Variants in ADAMTSL4 observed in about 807,000 individuals in gnomAD.
The protein encoded by ADAMTSL4 is ADAMTS-like protein 4.
Under a neutral mutation model 122.8 loss-of-function variants are expected in ADAMTSL4, and 97 were observed. The observed-to-expected ratio is 0.79, with a 90% CI of 0.67 to 0.93. The LOEUF (loss-of-function observed/expected upper bound fraction) is 0.93. ADAMTSL4 is among the 40% of genes least tolerant of loss of function. The pLI, the probability that ADAMTSL4 is intolerant of heterozygous loss-of-function variation, is 0.00. For missense variants in ADAMTSL4, 1,408 were observed against 1,453.5 expected (o/e 0.97, Z 0.51); for synonymous variants, 592 against 568.0 (o/e 1.04, Z -0.60).
At position 150,556,106 on chromosome 1, in the gene ADAMTSL4, G is replaced by C; in HGVS notation, c.1372-56G>C. ...CTGAGGCTCCCGAGGGGACCGGGGT[G>C]GGGTTGAGGTGGTGTCTGGCGTTCT... On this transcript the variant is annotated intron_variant, in intron 8 of 18. Coordinates refer to ENST00000271643, the MANE Select transcript of ADAMTSL4 (RefSeq NM_019032.6). The surrounding 1 kb of genome is among the most constrained non-coding windows in gnomAD (Gnocchi z 4.1). 1 of 1,593,450 alleles carries C rather than the reference G, an allele frequency of 6.3e-7. No individual in the cohort carries two copies. Among genetic ancestry groups the C allele is most frequent in the Non-Finnish European group, 8.6e-7 (1 of 1,164,372 alleles).
chr1:150,553,746 A>T lies in ADAMTSL4; in HGVS notation c.755A>T (p.His252Leu). 6.2e-7 allele frequency: 1 copy of T among 1,610,470 alleles called. No homozygotes were observed. The highest frequency in any genetic ancestry group is 8.5e-7 in the Non-Finnish European group (1 of 1,178,712). Residue 252 changes from histidine to leucine, a missense_variant, in exon 6 of 19, where the codon CAC becomes CTC. Transcript: ENST00000271643. ...ACCAGGCCTGCCCCCCTACGGCATC[A>T]CCCCAGAGCCCAGGCCTCTGGCACA... Reference protein sequence around the residue: ...PRTRPAPLRHHPRAQASGTEP... With the variant: ...PRTRPAPLRHLPRAQASGTEP...
Position 150,552,389 on chromosome 1 carries a change from G to C in ADAMTSL4, c.20+81G>C. ...TCTGTGTCTGGAAGTGAGGGAAAGG[G>C]GACCACTGGGAGGGGCAGGGGAAGT... On this transcript the variant is annotated intron_variant, in intron 3 of 18. Coordinates refer to ENST00000271643, the MANE Select transcript of ADAMTSL4 (RefSeq NM_019032.6). This position sits in a 1 kb window ranked among gnomAD's most constrained non-coding sequence, Gnocchi z 4.0. 1.3e-6 allele frequency: 2 copies of C among 1,535,378 alleles called. No homozygotes were observed. Among genetic ancestry groups the C allele is most frequent in the Non-Finnish European group, 1.8e-6 (2 of 1,128,018 alleles).
In ADAMTSL4 at chr1:150,556,134, G is replaced by A; in HGVS notation, c.1372-28G>A. 1 of 1,612,672 alleles carries A rather than the reference G, an allele frequency of 6.2e-7. No individual in the cohort carries two copies. Among genetic ancestry groups the A allele is most frequent in the Non-Finnish European group, 8.5e-7 (1 of 1,179,408 alleles). ...GTTGAGGTGGTGTCTGGCGTTCTGTGGCCACTGCCTCACCTCACTCTCTCC... is the reference window on the plus strand; with the variant it reads ...GTTGAGGTGGTGTCTGGCGTTCTGTAGCCACTGCCTCACCTCACTCTCTCC... On this transcript the variant is annotated intron_variant, in intron 8 of 18. Coordinates refer to ENST00000271643, the MANE Select transcript of ADAMTSL4 (RefSeq NM_019032.6). This position sits in a 1 kb window ranked among gnomAD's most constrained non-coding sequence, Gnocchi z 4.1.
chr1:150,552,743 A>G lies in ADAMTSL4; in HGVS notation c.78+143A>G, dbSNP rs1671552194. The G allele has an allele frequency of 2.3e-6, 3 of 1,311,640 alleles. No homozygotes were observed. Among genetic ancestry groups the G allele is most frequent in the African/African-American group, 1.5e-5 (1 of 68,420 alleles). 81.3% of individuals were successfully genotyped at this position (1,311,640 alleles called of 1,614,324 possible). A position where few individuals can be genotyped will look rare whatever the true frequency, so the allele number is the denominator to read the frequency against. ...TGCCAACTCCCCAGTTCCTTGCCTCATAACACCAAGAGGCCGAGGTGTAGT... is the reference window on the plus strand; with the variant it reads ...TGCCAACTCCCCAGTTCCTTGCCTCGTAACACCAAGAGGCCGAGGTGTAGT... On this transcript the variant is annotated intron_variant, in intron 4 of 18. Coordinates refer to ENST00000271643, the MANE Select transcript of ADAMTSL4 (RefSeq NM_019032.6). The surrounding 1 kb of genome is among the most constrained non-coding windows in gnomAD (Gnocchi z 4.0).
At position 150,556,869 on chromosome 1, in the gene ADAMTSL4, A is replaced by G; in HGVS notation, c.1750-70A>G. ...TCTGGGCAGAGCTGTGGTTGTCAAG[A>G]TGGGAGAGAGAGCTGGTGGCATCCT... On this transcript the variant is annotated intron_variant, in intron 10 of 18. Transcript: ENST00000271643. This position sits in a 1 kb window ranked among gnomAD's most constrained non-coding sequence, Gnocchi z 4.1. 6.2e-7 allele frequency: 1 copy of G among 1,612,222 alleles called. No homozygotes were observed. The highest frequency in any genetic ancestry group is 1.1e-5 in the South Asian group (1 of 91,024).
Position 150,554,217 on chromosome 1 carries a change from G to A in ADAMTSL4, c.1131+95G>A. On this transcript the variant is annotated intron_variant, in intron 6 of 18. Coordinates refer to ENST00000271643, the MANE Select transcript of ADAMTSL4 (RefSeq NM_019032.6). The surrounding 1 kb of genome is among the most constrained non-coding windows in gnomAD (Gnocchi z 4.0). ...TTCAGCTTCCGCTTGGCACCTGAGG[G>A]AGAAGGGCCTTGGCATCTGACCACC... 1.3e-6 allele frequency: 2 copies of A among 1,500,610 alleles called. No homozygotes were observed. The highest frequency in any genetic ancestry group is 1.8e-6 in the Non-Finnish European group (2 of 1,093,538). The allele number at this position is 1,500,610 out of a possible 1,614,324, so 93.0% of individuals were successfully genotyped here.
Position 150,560,061 on chromosome 1 carries a change from T to C in ADAMTSL4, c.3090T>C (p.Asp1030=). The change falls in exon 19 of 19, where the codon GAT becomes GAC. Residue 1030 remains aspartate, a splice_region_variant and synonymous_variant. Transcript: ENST00000271643. ...CNSQPCSQRP[D]DQCKDSSPHC... ...CCCACTGGCCTCCTCTGTCCCCAGA[T>C]GATCAATGCAAGGACAGCTCTCCAC... is the stretch of plus-strand genomic sequence containing the variant. 1 of 1,614,098 alleles carries C rather than the reference T, an allele frequency of 6.2e-7. No homozygotes were observed. Among genetic ancestry groups the C allele is most frequent in the Non-Finnish European group, 8.5e-7 (1 of 1,180,012 alleles).
rs1672549662 is a variant in ADAMTSL4, at chr1:150,559,316, G to T, written c.2793G>T (p.Gln931His). The T allele has an allele frequency of 3.1e-6, 5 of 1,614,072 alleles. No homozygotes were observed. Among genetic ancestry groups the T allele is most frequent in the Non-Finnish European group, 4.2e-6 (5 of 1,180,006 alleles). Reference protein sequence around the residue: ...ECSSECGSGTQRRDIICVSKL... With the variant: ...ECSSECGSGTHRRDIICVSKL... Reference sequence around the variant, plus strand: ...CCTCCGAATGTGGCTCTGGCACACAGCGTAGAGACATCATCTGTGTATCCA... The same window carrying T: ...CCTCCGAATGTGGCTCTGGCACACATCGTAGAGACATCATCTGTGTATCCA... Residue 931 changes from glutamine to histidine, a missense_variant, in exon 17 of 19, where the codon CAG becomes CAT. Transcript: ENST00000271643. This position sits in a 1 kb window ranked among gnomAD's most constrained non-coding sequence, Gnocchi z 4.1.
At position 150,556,126 on chromosome 1, in the gene ADAMTSL4, C is replaced by A. The variant is rs778178694; in HGVS notation, c.1372-36C>A. ...GGGGTGGGGTTGAGGTGGTGTCTGG[C>A]GTTCTGTGGCCACTGCCTCACCTCA... On this transcript the variant is annotated intron_variant, in intron 8 of 18. Transcript: ENST00000271643. The surrounding 1 kb of genome is among the most constrained non-coding windows in gnomAD (Gnocchi z 4.1). 5.8e-5 allele frequency: 93 copies of A among 1,609,642 alleles called. No homozygotes were observed. Among genetic ancestry groups the A allele is most frequent in the Non-Finnish European group, 7.7e-5 (91 of 1,177,254 alleles).
In ADAMTSL4 at chr1:150,560,100, G is replaced by T. The variant is rs1386207056; in HGVS notation, c.3129G>T (p.Val1043=). The T allele has an allele frequency of 6.2e-6, 10 of 1,613,980 alleles. No homozygotes were observed. Among genetic ancestry groups the T allele is most frequent in the Non-Finnish European group, 8.5e-6 (10 of 1,180,018 alleles). The change falls in exon 19 of 19, where the codon GTG becomes GTT. Residue 1043 remains valine, a synonymous_variant. Coordinates refer to ENST00000271643, the MANE Select transcript of ADAMTSL4 (RefSeq NM_019032.6). Reference sequence around the variant, plus strand: ...ACAGCTCTCCACATTGCCCCCTGGTGGTACAGGCCCGGCTCTGCGTCTACC... The same window carrying T: ...ACAGCTCTCCACATTGCCCCCTGGTTGTACAGGCCCGGCTCTGCGTCTACC... ...CKDSSPHCPL[V]VQARLCVYPY...
chr1:150,553,777 C>A lies in ADAMTSL4; in HGVS notation c.786C>A (p.Pro262=), dbSNP rs587728833. ...GAGCCCAGGCCTCTGGCACAGAGCC[C>A]CCCTCACCCACGCACTCCTTAGGAG... ...HPRAQASGTE[P]PSPTHSLGEG... Residue 262 remains proline, a synonymous_variant, in exon 6 of 19, where the codon CCC becomes CCA. Coordinates refer to ENST00000271643, the MANE Select transcript of ADAMTSL4 (RefSeq NM_019032.6). The A allele has an allele frequency of 3.1e-6, 5 of 1,613,798 alleles. 1 individual carries two copies. The South Asian group carries it at 5.5e-5, about 18-fold the overall frequency.
At position 150,553,659 on chromosome 1, in the gene ADAMTSL4, C is replaced by T; in HGVS notation, c.668C>T (p.Thr223Ile). ...ELPPTELSVH[T>I]PSPQAEPLSP... ...CCTCCCACAGAACTGTCTGTCCACA[C>T]CCCATCCCCCCAAGCAGAACCTCTA... The change falls in exon 6 of 19, where the codon ACC becomes ATC. Residue 223 changes from threonine (T) to isoleucine (I), a missense_variant. Physicochemically the swap from Thr to Ile is moderately conservative, Grantham distance 89. Coordinates refer to ENST00000271643, the MANE Select transcript of ADAMTSL4 (RefSeq NM_019032.6). 6.2e-7 allele frequency: 1 copy of T among 1,613,612 alleles called. No homozygotes were observed. The highest frequency in any genetic ancestry group is 1.3e-5 in the African/African-American group (1 of 74,850).
In ADAMTSL4 at chr1:150,553,440, AC is replaced by A. The variant is rs1157429977; in HGVS notation, c.453del (p.Ile152SerfsTer34). The stretch of plus-strand genomic sequence containing the variant: ...CACCTTCTCAGGTCCCGGCTTCGAG[AC>A]CCCATCAAGCCAGGAATGTTCGGTT... Reference protein sequence around the residue: ...IRAARRSRLRDPIKPGMFGYG... With the variant: ...IRAARRSRLRXPIKPGMFGYG... On this transcript the variant is annotated frameshift_variant, in exon 6 of 19. Transcript: ENST00000271643. LOFTEE classifies it high-confidence loss of function. 1.9e-6 allele frequency: 3 copies of A among 1,613,252 alleles called. No individual in the cohort carries two copies. Among genetic ancestry groups the A allele is most frequent in the Non-Finnish European group, 2.5e-6 (3 of 1,179,860 alleles).
Position 150,552,713 on chromosome 1 carries a change from T to TCCC in ADAMTSL4, c.78+115_78+117dup. 1 of 1,395,254 alleles carries TCCC rather than the reference T, an allele frequency of 7.2e-7. No homozygotes were observed. The highest frequency in any genetic ancestry group is 9.9e-7 in the Non-Finnish European group (1 of 1,009,636). 86.4% of individuals were successfully genotyped at this position (1,395,254 alleles called of 1,614,324 possible). On this transcript the variant is annotated intron_variant, in intron 4 of 18. Coordinates refer to ENST00000271643, the MANE Select transcript of ADAMTSL4 (RefSeq NM_019032.6). The surrounding 1 kb of genome is among the most constrained non-coding windows in gnomAD (Gnocchi z 4.0). ...CTCCATTCCCCACAGCCCACCCACC[T>TCCC]CCCCTGCCAACTCCCCAGTTCCTTG...
chr1:150,559,796 G>A lies in ADAMTSL4; in HGVS notation c.2979G>A (p.Arg993=). The A allele has an allele frequency of 6.2e-7, 1 of 1,613,990 alleles. No individual in the cohort carries two copies. ...CCTGCCAAGGGGGAACGCAGACACG[G>A]GAGGTCCAGTGCCTGAGCACCAACC... is the stretch of plus-strand genomic sequence containing the variant. ...SRSCQGGTQT[R]EVQCLSTNQT... is the part of the protein sequence containing the mutation. Residue 993 remains arginine (R), a synonymous_variant, in exon 18 of 19, where the codon CGG becomes CGA. Coordinates refer to ENST00000271643, the MANE Select transcript of ADAMTSL4 (RefSeq NM_019032.6). This position sits in a 1 kb window ranked among gnomAD's most constrained non-coding sequence, Gnocchi z 4.1.
chr1:150,550,166 G>C (rs1021226685), intron 2 of ADAMTSL4: 1 of 454,034 alleles, frequency 2.2e-6, no homozygotes, highest in Admixed American at 2.4e-5. Flanking sequence ...GCCAGGAGGA[G>C]CCCGCGTTTG....
At position 150,556,288 on chromosome 1, in the gene ADAMTSL4, T is replaced by C. The variant is rs1336452754; in HGVS notation, c.1498T>C (p.Tyr500His). 6 of 1,614,142 alleles carry C rather than the reference T, an allele frequency of 3.7e-6. No homozygotes were observed. Among genetic ancestry groups the C allele is most frequent in the South Asian group, 1.1e-5 (1 of 91,082 alleles). Reference sequence around the variant, plus strand: ...CACTGACCGAGGGGGCCCCCTGGGCTATCAGAAGATCTTGTGGATTCCAGC... The same window carrying C: ...CACTGACCGAGGGGGCCCCCTGGGCCATCAGAAGATCTTGTGGATTCCAGC... ...NLTDRGGPLGYQKILWIPAGA... is the reference protein window; with the variant it reads ...NLTDRGGPLGHQKILWIPAGA... The change falls in exon 9 of 19, where the codon TAT becomes CAT. Residue 500 changes from tyrosine (Y) to histidine (H), a missense_variant. Physicochemically the swap from Tyr to His is moderately conservative, Grantham distance 83 (BLOSUM62 2). Coordinates refer to ENST00000271643, the MANE Select transcript of ADAMTSL4 (RefSeq NM_019032.6). The surrounding 1 kb of genome is among the most constrained non-coding windows in gnomAD (Gnocchi z 4.1).
Position 150,559,391 on chromosome 1 carries a change from C to T in ADAMTSL4, c.2868C>T (p.Leu956=). The T allele has an allele frequency of 6.2e-7, 1 of 1,613,780 alleles. No individual in the cohort carries two copies. Among genetic ancestry groups the T allele is most frequent in the South Asian group, 1.1e-5 (1 of 91,090 alleles). Residue 956 remains leucine, a synonymous_variant, in exon 17 of 19, where the codon CTC becomes CTT. Coordinates refer to ENST00000271643, the MANE Select transcript of ADAMTSL4 (RefSeq NM_019032.6). The surrounding 1 kb of genome is among the most constrained non-coding windows in gnomAD (Gnocchi z 4.1). ...CTTCTCCGAGCAACTGTTCTCACCT[C>T]CCCAGGCCCCCTGCCCTGCAGCCCT... ...NVTSPSNCSH[L]PRPPALQPCQ...
At chr1:150,558,705 C>T (rs1213486859) in intron 15 of ADAMTSL4, 56 bp downstream of exon 15, 1 of 1,613,332 alleles carries the variant, frequency 6.2e-7, no homozygotes, top group Admixed American at 1.7e-5. Flanking sequence ...GCCCAGGACA[C>T]CTCAGCCTTT....
Sources: gnomAD v4.1 joint callset for allele counts on GRCh38, gnomAD v4.1.1 for gene constraint, Gnocchi (gnomAD v3.1) non-coding constraint, MANE v1.5 for transcripts, NCBI Gene and HGNC (gene_info 2026-07-23, HGNC 2026-07-21) for gene names.